DCX: variants seen among roughly 807,000 people sequenced by gnomAD.
DCX encodes doublecortin, also known as neuronal migration protein doublecortin.
A neutral mutation model predicts 20.9 loss-of-function variants in DCX; 4 were observed. That is an observed-to-expected ratio of 0.19 (90% CI 0.09 to 0.44). The LOEUF (loss-of-function observed/expected upper bound fraction) is 0.44, where lower values mean the gene tolerates loss of function less well. Ranked by LOEUF, DCX falls within the 20% of genes least tolerant of loss-of-function variation. The pLI, the probability that DCX is intolerant of heterozygous loss-of-function variation, is 0.99. For missense variants in DCX, 133 were observed against 296.9 expected (o/e 0.45, Z 4.06); for synonymous variants, 103 against 111.4 (o/e 0.92, Z 0.47).
chrX:111,338,437 C>T (rs1921923634), intron 3 of DCX, among the ~76,000 whole-genome samples: 1 of 111,773 alleles, frequency 8.9e-6, no homozygotes, highest in South Asian at 3.8e-4. Context: ...TCTCAGTAAA[C>T]ATAACAGATG....
intron 3 of DCX, among the ~76,000 whole-genome samples, chrX:111,351,297 G>A (rs895362697): frequency 6.3e-5 from 7 of 111,878 alleles, no homozygotes; most frequent in African/African-American, 2.3e-4. Context: ...CTGGCCTCTG[G>A]GTGTTACACC....
intron 3 of DCX, among the ~76,000 whole-genome samples, chrX:111,366,644 G>T (rs1464692738): frequency 8.9e-6 from 1 of 112,020 alleles, no homozygotes; most frequent in Non-Finnish European, 1.9e-5. Flanking sequence ...ATGAGGACAA[G>T]AGACCGAGAC....
intron 3 of DCX, among the ~76,000 whole-genome samples, chrX:111,396,159 T>C (rs1326368484): frequency 1.8e-5 from 2 of 112,310 alleles, no homozygotes; most frequent in Non-Finnish European, 3.8e-5. Flanking sequence ...CTGTGTATTA[T>C]GCATCAACCA....
intron 4 of DCX, among the ~76,000 whole-genome samples, chrX:111,332,733 T>G (rs1391380944): frequency 8.9e-6 from 1 of 112,217 alleles, no homozygotes; most frequent in African/African-American, 3.2e-5. Context: ...AAGTTCTGAC[T>G]GAAAATATTC....
At chrX:111,322,879 C>T (rs913139900) in intron 5 of DCX, among the ~76,000 whole-genome samples, 1 of 112,118 alleles carries the variant, frequency 8.9e-6, no homozygotes, top group Non-Finnish European at 1.9e-5. Context: ...CCTACGGAAT[C>T]TTGGACAGCA....
intron 3 of DCX, among the ~76,000 whole-genome samples, chrX:111,353,597 T>C (rs1345205203): frequency 1.8e-5 from 2 of 111,803 alleles, no homozygotes; most frequent in African/African-American, 6.5e-5. Context: ...GTAGTAACTA[T>C]CCTTTTTATT....
chrX:111,324,773 A>G (rs1487316051), intron 5 of DCX, among the ~76,000 whole-genome samples: 1 of 112,019 alleles, frequency 8.9e-6, no homozygotes, highest in Admixed American at 9.5e-5. Flanking sequence ...AGTGGCAGGG[A>G]ATTCATCTTA....
intron 6 of DCX, among the ~76,000 whole-genome samples, chrX:111,304,343 G>A (rs768211838): frequency 6.8e-4 from 76 of 112,073 alleles, no homozygotes; most frequent in Non-Finnish European, 1.1e-3. Context: ...TCAACCAAAA[G>A]CTTGCAACAA....
At chrX:111,367,476 G>A (rs756968359) in intron 3 of DCX, among the ~76,000 whole-genome samples, 10 of 111,955 alleles carry the variant, frequency 8.9e-5, no homozygotes, top group Middle Eastern at 4.6e-3. Flanking sequence ...CTTGAAAATT[G>A]AGGTTTTATT....
chrX:111,346,376 C>CA (rs748726204), intron 3 of DCX, among the ~76,000 whole-genome samples: 1 of 112,178 alleles, frequency 8.9e-6, no homozygotes, highest in East Asian at 2.8e-4. Context: ...TATTCAGCTA[C>CA]AAAAAAGAAT....
At chrX:111,316,435 T>C (rs1362412488) in intron 5 of DCX, among the ~76,000 whole-genome samples, 2 of 110,795 alleles carry the variant, frequency 1.8e-5, no homozygotes, top group Non-Finnish European at 3.8e-5. Context: ...TTTCACCATA[T>C]TGGCCAGGAT....
Position 111,400,976 on chromosome X carries a change from G to A in DCX, c.705+14C>T. On this transcript the variant is annotated intron_variant, in intron 3 of 6. Coordinates refer to ENST00000636035, the MANE Select transcript of DCX (RefSeq NM_001195553.2). ...TTAGAAAAAACGGGAAAAGTACTTTGAAAAAGTACCTACCTGTTTTCCATC... is the reference window on the plus strand; with the variant it reads ...TTAGAAAAAACGGGAAAAGTACTTTAAAAAAGTACCTACCTGTTTTCCATC... 8.3e-7 allele frequency: 1 copy of A among 1,199,457 alleles called. No individual in the cohort carries two copies. The highest frequency in any genetic ancestry group is 1.1e-6 in the Non-Finnish European group (1 of 884,445).
chrX:111,370,065 G>A (rs1367927742), intron 3 of DCX, among the ~76,000 whole-genome samples: 1 of 111,512 alleles, frequency 9.0e-6, no homozygotes, highest in Non-Finnish European at 1.9e-5. Flanking sequence ...CTAAAAAAAT[G>A]TTGCCCTATT....
At chrX:111,374,032 C>T (rs1925330425) in intron 3 of DCX, among the ~76,000 whole-genome samples, 1 of 112,064 alleles carries the variant, frequency 8.9e-6, no homozygotes, top group East Asian at 2.8e-4. Context: ...CAGCTATGGG[C>T]TCCCTGAATC....
At chrX:111,320,179 T>G (rs1214398791) in intron 5 of DCX, among the ~76,000 whole-genome samples, 1 of 112,225 alleles carries the variant, frequency 8.9e-6, no homozygotes, top group Non-Finnish European at 1.9e-5. Context: ...ACTTGCACAG[T>G]TAAATGTAGA....
In DCX at chrX:111,323,469, A is replaced by G. The variant is rs866949905; in HGVS notation, c.946+7435T>C. Among the ~76,000 whole-genome samples, 86 of 111,481 alleles carry G rather than the reference A, an allele frequency of 7.7e-4. 3 individuals are homozygous for G. The highest frequency in any genetic ancestry group is 2.4e-3 in the African/African-American group (75 of 30,709). On this transcript the variant is annotated intron_variant, in intron 5 of 6. Transcript: ENST00000636035. The stretch of plus-strand genomic sequence containing the variant: ...CTAGCACTGAGTAAGTATTCAATTT[A>G]TAGGCACTGAGTTAGGAAATCCTAG...
intron 3 of DCX, among the ~76,000 whole-genome samples, chrX:111,363,196 G>A (rs1450827001): frequency 9.0e-6 from 1 of 110,927 alleles, no homozygotes; most frequent in Non-Finnish European, 1.9e-5. Context: ...CAGGCTAAGG[G>A]ACAGAAAGCC....
intron 2 of DCX, among the ~76,000 whole-genome samples, chrX:111,405,382 T>C (rs1928129113): frequency 8.9e-6 from 1 of 112,467 alleles, no homozygotes; most frequent in African/African-American, 3.2e-5. Flanking sequence ...GACAATGTAC[T>C]TGCTTTAGTA....
intron 3 of DCX, among the ~76,000 whole-genome samples, chrX:111,381,403 T>C (rs755340734): frequency 9.1e-6 from 1 of 110,138 alleles, no homozygotes; most frequent in South Asian, 3.9e-4. Flanking sequence ...TATATATCAA[T>C]TGGGACACTA....
Sources: gnomAD v4.1 joint callset for allele counts (sites outside exome capture counted in the v4.1 genomes callset) on GRCh38, gnomAD v4.1.1 for gene constraint, MANE v1.5 for transcripts, NCBI Gene and HGNC (gene_info 2026-07-23, HGNC 2026-07-21) for gene names.